Variants in GAD2 observed in about 807,000 individuals in gnomAD.
GAD2 encodes the protein glutamate decarboxylase 2, also known as 65 kDa glutamic acid decarboxylase.
In GAD2, 22 loss-of-function variants were observed where a neutral mutation model predicts 80.1. The observed-to-expected ratio is 0.27, with a 90% confidence interval of 0.20 to 0.39. The LOEUF is 0.39. Among genes scored for constraint, GAD2 ranks in the 10% least tolerant of loss-of-function variants. The pLI is 1.00. For synonymous variants in GAD2, 274 were observed against 256.9 expected, an observed-to-expected ratio of 1.07 and a Z score of -0.64; for missense variants, 624 against 738.4, an observed-to-expected ratio of 0.85 and a Z score of 1.80.
chr10:26,241,400 C>T (rs374544821), intron 7 of GAD2, among the ~76,000 whole-genome samples: 13 of 152,172 alleles, frequency 8.5e-5, no homozygotes, highest in African/African-American at 3.1e-4. Context: ...ACTCATGCCA[C>T]ACCCTCCTGT....
chr10:26,255,316 G>C (rs1482294602), intron 8 of GAD2, among the ~76,000 whole-genome samples: 4 of 152,228 alleles, frequency 2.6e-5, no homozygotes, highest in African/African-American at 9.6e-5. Context: ...TGACTTCTAA[G>C]GAGGCGGCTG....
intron 8 of GAD2, among the ~76,000 whole-genome samples, chr10:26,247,562 A>G (rs922025337): frequency 4.6e-5 from 7 of 152,262 alleles, no homozygotes; most frequent in African/African-American, 1.4e-4. Flanking sequence ...GGGGAGGGGC[A>G]GCCACAGCAA....
chr10:26,252,330 G>A (rs907230245), intron 8 of GAD2, among the ~76,000 whole-genome samples: 1 of 151,892 alleles, frequency 6.6e-6, no homozygotes, highest in Non-Finnish European at 1.5e-5. Context: ...AAGATCCTGC[G>A]AGGTACATTT....
chr10:26,231,859 CA>C (rs1045715016), intron 7 of GAD2, among the ~76,000 whole-genome samples: 22 of 152,304 alleles, frequency 1.4e-4, no homozygotes, highest in Middle Eastern at 3.4e-3. Context: ...CTCTCTCTCT[CA>C]CCTCTACTTC....
At chr10:26,294,014 C>T (rs1834247282) in intron 15 of GAD2, among the ~76,000 whole-genome samples, 1 of 152,226 alleles carries the variant, frequency 6.6e-6, no homozygotes, top group Non-Finnish European at 1.5e-5. Flanking sequence ...ATCTTTCATC[C>T]TCTCCTGCTC....
At position 26,223,355 on chromosome 10, in the gene GAD2, C is replaced by T. The variant is rs540802559; in HGVS notation, c.521-532C>T. Among the ~76,000 whole-genome samples, 107 of 152,262 alleles carry T rather than the reference C, an allele frequency of 7.0e-4. 1 individual carries two copies. The highest frequency in any genetic ancestry group is 2.5e-3 in the African/African-American group (104 of 41,542). ...AGTGTCCTATTTTCTCATTTTTGCCCTGTCTTTTGTAATCATCAGCCATTT... is the reference window on the plus strand; with the variant it reads ...AGTGTCCTATTTTCTCATTTTTGCCTTGTCTTTTGTAATCATCAGCCATTT... On this transcript the variant is annotated intron_variant, in intron 4 of 15. Transcript: ENST00000376261.
chr10:26,230,233 T>C (rs1844583619), intron 7 of GAD2, among the ~76,000 whole-genome samples: 1 of 151,904 alleles, frequency 6.6e-6, no homozygotes, highest in Admixed American at 6.6e-5. Context: ...GCAATCAAGT[T>C]GCATATTAAG....
At chr10:26,239,879 G>T (rs538122328) in intron 7 of GAD2, among the ~76,000 whole-genome samples, 2 of 152,322 alleles carry the variant, frequency 1.3e-5, no homozygotes, top group South Asian at 4.1e-4. Context: ...GCACCAGGTA[G>T]ACAGAGTGAG....
chr10:26,240,214 T>C (rs1844723407), intron 7 of GAD2, among the ~76,000 whole-genome samples: 1 of 152,190 alleles, frequency 6.6e-6, no homozygotes, highest in Non-Finnish European at 1.5e-5. Flanking sequence ...CTGTCCCCAT[T>C]AAAGAGTGAA....
intron 7 of GAD2, among the ~76,000 whole-genome samples, chr10:26,242,275 C>T (rs1022477431): frequency 6.6e-6 from 1 of 151,720 alleles, no homozygotes; most frequent in South Asian, 2.1e-4. Flanking sequence ...CGTGAGCCAC[C>T]GCGCCCGGCC....
At chr10:26,300,720 G>A in intron 15 of GAD2, 68 bp from the exon 16 acceptor site, 2 of 1,444,050 alleles carry the variant, frequency 1.4e-6, no homozygotes, top group Non-Finnish European at 9.6e-7. Context: ...GCTGCTTGCT[G>A]TTGGGTTCTT....
At chr10:26,257,203 C>A (rs1269211165) in intron 8 of GAD2, among the ~76,000 whole-genome samples, 1 of 152,036 alleles carries the variant, frequency 6.6e-6, no homozygotes, top group Non-Finnish European at 1.5e-5. Flanking sequence ...GTGGTGAAAC[C>A]CCATCTCTAC....
intron 8 of GAD2, among the ~76,000 whole-genome samples, chr10:26,247,666 C>A (rs915186880): frequency 3.9e-5 from 6 of 151,980 alleles, no homozygotes; most frequent in African/African-American, 1.2e-4. Context: ...GAGGCCGAGG[C>A]GGGTGGATAA....
At chr10:26,237,998 TCACACAGA>T (rs879628942) in intron 7 of GAD2, among the ~76,000 whole-genome samples, 1,464 of 117,644 alleles carry the variant, frequency 0.012, 21 homozygotes, top group African/African-American at 0.049. Context: ...CGAGACTCCA[TCACACAGA>T]CACACACACA....
chr10:26,250,901 A>T (rs1844872657), intron 8 of GAD2, among the ~76,000 whole-genome samples: 1 of 118,936 alleles, frequency 8.4e-6, no homozygotes, highest in African/African-American at 3.4e-5. Context: ...TTTTTTTGAG[A>T]CAGAGTCTTG....
intron 13 of GAD2, among the ~76,000 whole-genome samples, chr10:26,289,407 C>T (rs1834188802): frequency 6.6e-6 from 1 of 152,074 alleles, no homozygotes; most frequent in African/African-American, 2.4e-5. Flanking sequence ...CTAAGATAAA[C>T]CCCATGAGAA....
chr10:26,254,764 G>T (rs894287162), intron 8 of GAD2, among the ~76,000 whole-genome samples: 2 of 152,248 alleles, frequency 1.3e-5, no homozygotes, highest in African/African-American at 4.8e-5. Context: ...GTTGGTGGAT[G>T]TTGTAGTCAT....
intron 3 of GAD2, among the ~76,000 whole-genome samples, chr10:26,218,785 AAAAG>A (rs1490913632): frequency 6.6e-6 from 1 of 152,242 alleles, no homozygotes; most frequent in African/African-American, 2.4e-5. Context: ...GCTCTTCAAA[AAAAG>A]AAGGCAAACA....
intron 8 of GAD2, among the ~76,000 whole-genome samples, chr10:26,247,327 G>T (rs1010735552): frequency 6.6e-6 from 1 of 152,168 alleles, no homozygotes; most frequent in African/African-American, 2.4e-5. Flanking sequence ...CTTGGTTTTG[G>T]TGGGTTTTGG....
Sources: allele counts gnomAD v4.1 joint callset (sites outside exome capture counted in the v4.1 genomes callset), GRCh38; gene constraint gnomAD v4.1.1; transcripts MANE v1.5; gene names NCBI Gene and HGNC (gene_info 2026-07-23, HGNC 2026-07-21).